RYR2: variants seen among roughly 807,000 people sequenced by gnomAD.
The protein encoded by RYR2 is ryanodine receptor 2.
RYR2 carries 227 observed loss-of-function variants against 601.1 expected under a neutral mutation model. That is an observed-to-expected ratio of 0.38 (90% confidence interval 0.34 to 0.42). The LOEUF (loss-of-function observed/expected upper bound fraction) is 0.42. Ranked by LOEUF, RYR2 falls within the 10% of genes least tolerant of loss-of-function variation. The pLI, the probability that RYR2 is intolerant of heterozygous loss-of-function variation, is 1.00. For synonymous variants in RYR2, 2,223 were observed against 2,175.1 expected (o/e 1.02, Z -0.61); for missense variants, 4,646 against 6,156.5 (o/e 0.75, Z 8.21).
chr1:237,384,185 G>A (rs1406707240), intron 8 of RYR2, among the ~76,000 whole-genome samples: 3 of 152,126 alleles, frequency 2.0e-5, no homozygotes, highest in African/African-American at 7.2e-5. Context: ...ACATATTTGG[G>A]ACCTTTTCCC....
At chr1:237,224,318 T>A (rs1684128877) in intron 1 of RYR2, among the ~76,000 whole-genome samples, 2 of 152,224 alleles carry the variant, frequency 1.3e-5, no homozygotes, top group East Asian at 1.9e-4. Context: ...GTTAATCAAC[T>A]GTTTATGTTA....
At chr1:237,350,862 A>C (rs1416262306) in intron 3 of RYR2, among the ~76,000 whole-genome samples, 3 of 151,862 alleles carry the variant, frequency 2.0e-5, no homozygotes, top group Non-Finnish European at 4.4e-5. Flanking sequence ...GTATTACAAT[A>C]ATCAGGCAAA....
At chr1:237,755,915 G>T (rs1049111584) in intron 80 of RYR2, among the ~76,000 whole-genome samples, 1 of 152,116 alleles carries the variant, frequency 6.6e-6, no homozygotes, top group Non-Finnish European at 1.5e-5. Flanking sequence ...TATGGCCATG[G>T]CATGGGAGAT....
intron 58 of RYR2, among the ~76,000 whole-genome samples, chr1:237,669,568 C>T (rs1232838637): frequency 1.3e-5 from 2 of 150,796 alleles, no homozygotes; most frequent in African/African-American, 2.4e-5. Flanking sequence ...CCTCACTTCT[C>T]AGACGGGGCA....
intron 63 of RYR2, among the ~76,000 whole-genome samples, chr1:237,691,082 G>A (rs978045337): frequency 7.9e-5 from 12 of 152,112 alleles, no homozygotes; most frequent in African/African-American, 2.4e-4. Flanking sequence ...GATTACAAGC[G>A]TGAGCCACCA....
intron 10 of RYR2, among the ~76,000 whole-genome samples, chr1:237,407,143 A>G (rs113436877): frequency 2.3e-4 from 35 of 152,268 alleles, no homozygotes; most frequent in Non-Finnish European, 3.8e-4. Flanking sequence ...TGGCCCCTCT[A>G]TATCTTTTCA....
chr1:237,089,680 T>C (rs1169471885), intron 1 of RYR2, among the ~76,000 whole-genome samples: 1 of 152,268 alleles, frequency 6.6e-6, no homozygotes, highest in Non-Finnish European at 1.5e-5. Context: ...TAGTCTAAAC[T>C]GGTTTAGAAA....
chr1:237,290,983 T>C (rs1290352390), intron 2 of RYR2, among the ~76,000 whole-genome samples: 2 of 152,132 alleles, frequency 1.3e-5, no homozygotes, highest in Non-Finnish European at 2.9e-5. Context: ...AGTTTGACAA[T>C]GGAAAATGGT....
intron 46 of RYR2, among the ~76,000 whole-genome samples, chr1:237,639,768 G>T (rs1681269665): frequency 1.3e-5 from 2 of 152,070 alleles, no homozygotes; most frequent in South Asian, 4.2e-4. Context: ...GTAAATCCAG[G>T]TGTGATGCTT....
intron 27 of RYR2, among the ~76,000 whole-genome samples, chr1:237,555,668 T>A (rs1019419426): frequency 2.0e-5 from 3 of 152,186 alleles, no homozygotes; most frequent in African/African-American, 7.2e-5. Context: ...ACAACATTGC[T>A]TTCCTGATAC....
intron 87 of RYR2, 55 bp downstream of exon 87, chr1:237,773,703 A>T: frequency 6.7e-7 from 1 of 1,498,966 alleles, no homozygotes. Flanking sequence ...AGAAAAATGC[A>T]GTATATCTAG....
intron 95 of RYR2, 148 bp downstream of exon 95, chr1:237,794,145 T>C: frequency 3.0e-6 from 2 of 665,580 alleles, no homozygotes; most frequent in South Asian, 2.0e-5. Flanking sequence ...GACTCAGTGC[T>C]GTCCAACTCT....
chr1:237,176,231 T>C (rs1236830096), intron 1 of RYR2, among the ~76,000 whole-genome samples: 1 of 107,984 alleles, frequency 9.3e-6, no homozygotes, highest in Non-Finnish European at 2.0e-5. Flanking sequence ...AGCAAGACTC[T>C]GTCTCTTAAT....
Position 237,086,944 on chromosome 1 carries a change from T to G in RYR2, c.48+44375T>G, listed in dbSNP as rs114343008. ...GGAACATGAACTGCCTGTATTTGAG[T>G]ATGTATATGTCTGCAGCTCTCGGAT... On this transcript the variant is annotated intron_variant, in intron 1 of 104. Coordinates refer to ENST00000366574, the MANE Select transcript of RYR2 (RefSeq NM_001035.3). Among the ~76,000 whole-genome samples the G allele has an allele frequency of 2.4e-3, 364 of 152,248 alleles. 2 individuals carry two copies. Among genetic ancestry groups the G allele is most frequent in the African/African-American group, 6.7e-3 (279 of 41,542 alleles).
chr1:237,702,115 A>G (rs1285999555), intron 66 of RYR2, 56 bp downstream of exon 66: 3 of 962,580 alleles, frequency 3.1e-6, no homozygotes, highest in Non-Finnish European at 4.9e-6. Context: ...TTTTATAACT[A>G]TTTATTTCAA....
intron 1 of RYR2, among the ~76,000 whole-genome samples, chr1:237,160,410 G>A (rs1675874377): frequency 1.3e-5 from 2 of 152,088 alleles, no homozygotes; most frequent in African/African-American, 2.4e-5. Flanking sequence ...CTGATCAATA[G>A]TATCAAGTGA....
chr1:237,575,141 A>G (rs1441939873), intron 29 of RYR2, among the ~76,000 whole-genome samples: 1 of 152,198 alleles, frequency 6.6e-6, no homozygotes, highest in African/African-American at 2.4e-5. Context: ...CTCTTCCAAC[A>G]GGAGTGTTTT....
chr1:237,578,852 C>T (rs1456456347), intron 29 of RYR2, among the ~76,000 whole-genome samples: 2 of 152,098 alleles, frequency 1.3e-5, no homozygotes, highest in Non-Finnish European at 2.9e-5. Context: ...AGTCTGTGAC[C>T]TCTGGGAACA....
At chr1:237,369,395 T>TTATTTCAACATTC in intron 5 of RYR2, 139 bp from the exon 6 acceptor site, 2 of 742,892 alleles carry the variant, frequency 2.7e-6, no homozygotes, top group South Asian at 3.0e-5. Context: ...TCAACAGCAC[T>TTATTTCAACATTC]TTGCTTGTCT....
Sources: allele counts gnomAD v4.1 joint callset (sites outside exome capture counted in the v4.1 genomes callset), GRCh38; gene constraint gnomAD v4.1.1; transcripts MANE v1.5; gene names NCBI Gene and HGNC (gene_info 2026-07-23, HGNC 2026-07-21).